The following FOXN2 variants were observed in gnomAD, a reference collection of about 807,000 sequenced individuals.
FOXN2 encodes the protein forkhead box protein N2.
In FOXN2, 19 loss-of-function variants were observed where a neutral mutation model predicts 41.2. The observed-to-expected ratio is 0.46, with a 90% CI of 0.32 to 0.68. The LOEUF is 0.68. Ranked by LOEUF, FOXN2 falls within the 30% of genes least tolerant of loss-of-function variation. FOXN2 has a pLI of 0.03. For synonymous variants in FOXN2, 195 were observed against 176.8 expected (o/e 1.10, Z -0.82); for missense variants, 587 against 509.4 (o/e 1.15, Z -1.47).
chr2:48,358,459 A>G (rs1026236538), intron 3 of FOXN2, among the ~76,000 whole-genome samples: 1 of 152,214 alleles, frequency 6.6e-6, no homozygotes, highest in Non-Finnish European at 1.5e-5. Context: ...TAGCCAGTCA[A>G]TAAGTAGTGA....
At chr2:48,358,157 A>G (rs1043451742) in intron 3 of FOXN2, among the ~76,000 whole-genome samples, 2 of 151,632 alleles carry the variant, frequency 1.3e-5, no homozygotes, top group Admixed American at 1.3e-4. Flanking sequence ...TTCAGAACTA[A>G]TGTATTTTTT....
chr2:48,369,415 G>A (rs1672742879), intron 5 of FOXN2, among the ~76,000 whole-genome samples: 1 of 152,124 alleles, frequency 6.6e-6, no homozygotes, highest in Admixed American at 6.5e-5. Context: ...GCGAGTGCCT[G>A]TAATCCCAGC....
chr2:48,331,971 T>G (rs1166295976), intron 2 of FOXN2, among the ~76,000 whole-genome samples: 1 of 152,160 alleles, frequency 6.6e-6, no homozygotes, highest in East Asian at 1.9e-4. Flanking sequence ...TATATTTTTC[T>G]CAGATCTACC....
chr2:48,359,225 G>A (rs570408000), intron 4 of FOXN2, 78 bp downstream of exon 4: 479 of 951,850 alleles, frequency 5.0e-4, no homozygotes, highest in Non-Finnish European at 6.7e-4. Context: ...AAAGGTCCAG[G>A]GTATTATGTT....
intron 3 of FOXN2, among the ~76,000 whole-genome samples, chr2:48,351,270 A>G (rs1260626667): frequency 6.6e-6 from 1 of 151,598 alleles, no homozygotes; most frequent in Non-Finnish European, 1.5e-5. Flanking sequence ...CCAAAGTTGA[A>G]TCCAATGTTT....
intron 1 of FOXN2, among the ~76,000 whole-genome samples, chr2:48,315,152 C>A (rs897938079): frequency 1.6e-4 from 25 of 152,224 alleles, no homozygotes; most frequent in African/African-American, 6.0e-4. Context: ...GTCGTCTCTC[C>A]GGGAAGGCGT....
At chr2:48,316,690 G>T (rs185486485) in intron 1 of FOXN2, among the ~76,000 whole-genome samples, 2 of 152,144 alleles carry the variant, frequency 1.3e-5, no homozygotes, top group Non-Finnish European at 2.9e-5. Flanking sequence ...GATAAAAAAT[G>T]AACTTTTGGA....
chr2:48,314,746 G>C lies in FOXN2; in HGVS notation c.-225G>C, dbSNP rs1465318033. 6.6e-6 allele frequency: 1 copy of C among 152,490 alleles called. No individual in the cohort carries two copies. The highest frequency in any genetic ancestry group is 1.5e-5 in the Non-Finnish European group (1 of 68,286). 9.4% of individuals were successfully genotyped at this position (152,490 alleles called of 1,614,324 possible). A position where few individuals can be genotyped will look rare whatever the true frequency, so the allele number is the denominator to read the frequency against. ...GGAGGCGACTGCTGGAAGCTGCAGG[G>C]AACAGCTGCGGTGCTCTGCCATATT... On this transcript the variant is annotated 5_prime_UTR_variant, in exon 1 of 7. Coordinates refer to ENST00000340553, the MANE Select transcript of FOXN2 (RefSeq NM_002158.4).
intron 5 of FOXN2, among the ~76,000 whole-genome samples, chr2:48,371,306 A>G (rs1203212233): frequency 6.6e-6 from 1 of 152,276 alleles, no homozygotes; most frequent in South Asian, 2.1e-4. Context: ...ACTGAGCACA[A>G]GAATCGCTTG....
At chr2:48,359,305 T>G (rs1309919103) in intron 4 of FOXN2, among the ~76,000 whole-genome samples, 158 bp downstream of exon 4, 1 of 152,202 alleles carries the variant, frequency 6.6e-6, no homozygotes, top group Non-Finnish European at 1.5e-5. Context: ...GTTTTTGTTT[T>G]GTTTTGTGGA....
At chr2:48,350,951 C>T (rs973627692) in intron 3 of FOXN2, among the ~76,000 whole-genome samples, 1 of 152,024 alleles carries the variant, frequency 6.6e-6, no homozygotes, top group Non-Finnish European at 1.5e-5. Flanking sequence ...ACAGGATGGA[C>T]TCTGTTACAA....
At chr2:48,349,462 A>T (rs1671314797) in intron 3 of FOXN2, among the ~76,000 whole-genome samples, 1 of 152,014 alleles carries the variant, frequency 6.6e-6, no homozygotes, top group African/African-American at 2.4e-5. Context: ...TGGATGACAA[A>T]GTGAGACCCT....
intron 3 of FOXN2, among the ~76,000 whole-genome samples, chr2:48,353,928 T>C (rs2104423319): frequency 6.6e-6 from 1 of 152,308 alleles, no homozygotes; most frequent in East Asian, 1.9e-4. Flanking sequence ...AACAGTGTCA[T>C]TGTTTGCTAT....
In FOXN2 at chr2:48,377,894, C is replaced by G. The variant is rs1480598361; in HGVS notation, c.*2451C>G. On this transcript the variant is annotated 3_prime_UTR_variant, in exon 7 of 7. Coordinates refer to ENST00000340553, the MANE Select transcript of FOXN2 (RefSeq NM_002158.4). ...TTGAGAAACATGACTAATAACCACA[C>G]AATTAAGTAGAGTCATTCCAAGTCC... 1 of 151,968 alleles carries G rather than the reference C, an allele frequency of 6.6e-6. No homozygotes were observed. The highest frequency in any genetic ancestry group is 2.4e-5 in the African/African-American group (1 of 41,420). 9.4% of individuals were successfully genotyped at this position (151,968 alleles called of 1,614,324 possible). A position where few individuals can be genotyped will look rare whatever the true frequency, so the allele number is the denominator to read the frequency against.
Position 48,373,317 on chromosome 2 carries a change from A to G in FOXN2, c.729A>G (p.Ala243=). ...AATCTGATATTGATGCTGCTGCTGC[A>G]ATGATGCTTTTAAATACTTCTATAG... The part of the protein sequence containing the change: ...LKESDIDAAA[A]MMLLNTSIEQ... Residue 243 remains alanine (A), a synonymous_variant, in exon 6 of 7, where the codon GCA becomes GCG. Transcript: ENST00000340553. The G allele has an allele frequency of 6.3e-7, 1 of 1,593,210 alleles. No individual in the cohort carries two copies. Among genetic ancestry groups the G allele is most frequent in the South Asian group, 1.1e-5 (1 of 88,060 alleles).
At chr2:48,356,075 G>T (rs1671772507) in intron 3 of FOXN2, among the ~76,000 whole-genome samples, 1 of 152,108 alleles carries the variant, frequency 6.6e-6, no homozygotes, top group African/African-American at 2.4e-5. Context: ...AGTGAGCCAA[G>T]ATCGTGCCAC....
At chr2:48,336,021 CTG>C (rs1409265094) in intron 2 of FOXN2, among the ~76,000 whole-genome samples, 1 of 136,410 alleles carries the variant, frequency 7.3e-6, no homozygotes, top group Non-Finnish European at 1.6e-5. Flanking sequence ...GAGCAAGACT[CTG>C]TCTCAAAAAA....
At chr2:48,323,634 T>A (rs1669481222) in intron 1 of FOXN2, among the ~76,000 whole-genome samples, 1 of 152,228 alleles carries the variant, frequency 6.6e-6, no homozygotes, top group Non-Finnish European at 1.5e-5. Context: ...ATTAGTCGTT[T>A]GTCACATGTA....
chr2:48,378,110 A>G lies in FOXN2; in HGVS notation c.*2667A>G, dbSNP rs1673361853. The G allele has an allele frequency of 6.6e-6, 1 of 152,508 alleles. No individual in the cohort carries two copies. The highest frequency in any genetic ancestry group is 1.5e-5 in the Non-Finnish European group (1 of 67,918). 9.4% of individuals were successfully genotyped at this position (152,508 alleles called of 1,614,324 possible). On this transcript the variant is annotated 3_prime_UTR_variant, in exon 7 of 7. Coordinates refer to ENST00000340553, the MANE Select transcript of FOXN2 (RefSeq NM_002158.4). ...TTCCAGTTTATAATAGATCCCTAGT[A>G]AAAAGCTTTGATTCAACACAATTGT...
Sources: allele counts gnomAD v4.1 joint callset (sites outside exome capture counted in the v4.1 genomes callset), GRCh38; gene constraint gnomAD v4.1.1; transcripts MANE v1.5; gene names NCBI Gene and HGNC (gene_info 2026-07-23, HGNC 2026-07-21).